The following TRIT1 variants were observed in gnomAD, a reference collection of about 807,000 sequenced individuals.
The protein encoded by TRIT1 is tRNA isopentenyltransferase 1, also known as tRNA dimethylallyltransferase.
Under a neutral mutation model 51.2 loss-of-function variants are expected in TRIT1, and 43 were observed. That is an observed-to-expected ratio of 0.84 (90% confidence interval 0.66 to 1.08). The LOEUF is 1.08. TRIT1 is among the 50% of genes least tolerant of loss of function. The pLI is 0.00. For synonymous variants in TRIT1, 184 were observed against 203.9 expected, an observed-to-expected ratio of 0.90 and a Z score of 0.83; for missense variants, 528 against 578.4, an observed-to-expected ratio of 0.91 and a Z score of 0.89.
intron 5 of TRIT1, 33 bp downstream of exon 5, chr1:39,850,086 C>T (rs1052780182): frequency 2.5e-6 from 4 of 1,609,692 alleles, no homozygotes; most frequent in Admixed American, 3.4e-5. Context: ...AGTTCCATCA[C>T]AGATGGACTC....
chr1:39,872,212 C>T (rs1287063603), intron 1 of TRIT1, among the ~76,000 whole-genome samples: 1 of 151,796 alleles, frequency 6.6e-6, no homozygotes, highest in African/African-American at 2.4e-5. Flanking sequence ...CAGCTGGCCA[C>T]TGTATGCAAA....
intron 8 of TRIT1, among the ~76,000 whole-genome samples, chr1:39,846,409 TTATGCTTAAA>T (rs1642227623): frequency 2.0e-5 from 3 of 152,362 alleles, no homozygotes; most frequent in African/African-American, 7.2e-5. Flanking sequence ...GAAGTTTCAC[TTATGCTTAAA>T]TTAATCTCCT....
chr1:39,866,090 AAGAAAGG>A (rs1643537258), intron 1 of TRIT1, among the ~76,000 whole-genome samples: 1 of 65,790 alleles, frequency 1.5e-5, no homozygotes, highest in South Asian at 5.8e-4. Flanking sequence ...GGAAGGAAAG[AAGAAAGG>A]AAGGAAGGAA....
intron 1 of TRIT1, among the ~76,000 whole-genome samples, chr1:39,880,080 C>T (rs941904360): frequency 1.3e-5 from 2 of 151,376 alleles, no homozygotes; most frequent in Admixed American, 6.6e-5. Flanking sequence ...GAGGCTGAGG[C>T]AGGACAATCA....
intron 10 of TRIT1, among the ~76,000 whole-genome samples, chr1:39,843,714 A>C (rs535698576): frequency 6.6e-6 from 1 of 152,220 alleles, no homozygotes; most frequent in Non-Finnish European, 1.5e-5. Context: ...TGCTTCTTCC[A>C]GTCTCCTGGA....
chr1:39,844,500 G>C, intron 9 of TRIT1, 31 bp downstream of exon 9: 1 of 1,566,708 alleles, frequency 6.4e-7, no homozygotes, highest in Non-Finnish European at 8.8e-7. Context: ...CTGAAAACCA[G>C]AAAATAGAAT....
chr1:39,863,523 G>T (rs975261636), intron 1 of TRIT1, among the ~76,000 whole-genome samples: 5 of 152,056 alleles, frequency 3.3e-5, no homozygotes, highest in Non-Finnish European at 5.9e-5. Flanking sequence ...AATTAAAGAA[G>T]ATACATGATA....
intron 1 of TRIT1, among the ~76,000 whole-genome samples, chr1:39,859,358 G>A (rs1285108386): frequency 1.3e-5 from 2 of 148,946 alleles, no homozygotes; most frequent in Non-Finnish European, 3.0e-5. Flanking sequence ...GGCTGAGGTG[G>A]GTGGATCACT....
chr1:39,853,843 A>G, intron 3 of TRIT1, 127 bp downstream of exon 3: 2 of 655,998 alleles, frequency 3.0e-6, no homozygotes, highest in South Asian at 4.0e-5. Flanking sequence ...GCTTGAGAAT[A>G]TTAAGTAGGA....
Position 39,852,741 on chromosome 1 carries a change from T to A in TRIT1, c.550A>T (p.Lys184Ter). ...GCCAGGCTTTCTTACCTGGCCACTT[T>A]GCGTTTGTCATGTGGATGCAGCTTG... ...AAKLHPHDKRKVARSLQVFEE... is the reference protein window; with the variant it reads ...AAKLHPHDKR Residue 184 changes from lysine to a stop codon, truncating the protein, a stop_gained, in exon 4 of 11, where the codon AAA becomes TAA. Coordinates refer to ENST00000316891, the MANE Select transcript of TRIT1 (RefSeq NM_017646.6). LOFTEE classifies it high-confidence loss of function. 6.2e-7 allele frequency: 1 copy of A among 1,613,868 alleles called. No individual in the cohort carries two copies. The highest frequency in any genetic ancestry group is 8.5e-7 in the Non-Finnish European group (1 of 1,179,876).
intron 1 of TRIT1, among the ~76,000 whole-genome samples, chr1:39,866,186 T>TC (rs1235748940): frequency 6.6e-6 from 1 of 152,070 alleles, no homozygotes; most frequent in Non-Finnish European, 1.5e-5. Context: ...CTCTTCTAGT[T>TC]CTTTTTTTTA....
chr1:39,846,376 A>C (rs1000667892), intron 8 of TRIT1, among the ~76,000 whole-genome samples: 4 of 150,730 alleles, frequency 2.7e-5, no homozygotes, highest in Admixed American at 2.0e-4. Flanking sequence ...AGCATATTTA[A>C]AACATGTCCA....
chr1:39,867,189 T>C (rs756967042), intron 1 of TRIT1, among the ~76,000 whole-genome samples: 23 of 152,124 alleles, frequency 1.5e-4, no homozygotes, highest in Non-Finnish European at 3.2e-4. Context: ...CTTGTTGCCC[T>C]TGCTGAAGTG....
chr1:39,844,741 G>C (rs940386308), intron 8 of TRIT1, 101 bp from the exon 9 acceptor site: 6 of 784,078 alleles, frequency 7.7e-6, no homozygotes, highest in Non-Finnish European at 1.3e-5. Flanking sequence ...AGAGCCAAAG[G>C]AGTAAACATT....
At chr1:39,853,946 G>A (rs1383307008) in intron 3 of TRIT1, 24 bp downstream of exon 3, 1 of 1,499,834 alleles carries the variant, frequency 6.7e-7, no homozygotes, top group South Asian at 1.2e-5. Context: ...TTTCCTCAGT[G>A]AGTTACGAGT....
rs921855399 is a variant in TRIT1, at chr1:39,850,397, A to G, written c.561-136T>C. 17 of 1,169,414 alleles carry G rather than the reference A, an allele frequency of 1.5e-5. 1 individual carries two copies. In the South Asian group the frequency reaches 2.4e-4, roughly 16 times the overall value. 72.4% of individuals were successfully genotyped at this position (1,169,414 alleles called of 1,614,324 possible). A position where few individuals can be genotyped will look rare whatever the true frequency, so the allele number is the denominator to read the frequency against. ...TTGAAAGCCAGTCACGACAGTGTGCACATCTGTAGTCCCAGCTACTCAGGA... is the reference window on the plus strand; with the variant it reads ...TTGAAAGCCAGTCACGACAGTGTGCGCATCTGTAGTCCCAGCTACTCAGGA... On this transcript the variant is annotated intron_variant, in intron 4 of 10. Coordinates refer to ENST00000316891, the MANE Select transcript of TRIT1 (RefSeq NM_017646.6).
chr1:39,840,010 AAT>A lies in TRIT1; in HGVS notation c.*1732_*1733del, dbSNP rs757316620. ...AGCTTGAGTCTACCAGCCTCACCTC[AAT>A]TCCAGCTCTACCGCTTGCTAGCTGT... On this transcript the variant is annotated 3_prime_UTR_variant, in exon 11 of 11. Transcript: ENST00000316891. 6.4e-4 allele frequency among the ~76,000 whole-genome samples: 97 copies of A among 152,158 alleles called. 2 individuals carry two copies. Among genetic ancestry groups the A allele is most frequent in the Non-Finnish European group, 1.3e-4 (9 of 68,028 alleles).
At chr1:39,846,988 T>C (rs1642259545) in intron 8 of TRIT1, 2 of 426,960 alleles carry the variant, frequency 4.7e-6, no homozygotes, top group Admixed American at 8.0e-5. Context: ...GCAGCCAGTA[T>C]CCATCTGTTC....
At chr1:39,860,802 G>A (rs190354019) in intron 1 of TRIT1, among the ~76,000 whole-genome samples, 18 of 152,246 alleles carry the variant, frequency 1.2e-4, no homozygotes, top group South Asian at 8.3e-4. Context: ...TAAAAAAGCC[G>A]CGTGCAGTGG....
Sources: gnomAD v4.1 joint callset for allele counts (sites outside exome capture counted in the v4.1 genomes callset) on GRCh38, gnomAD v4.1.1 for gene constraint, MANE v1.5 for transcripts, NCBI Gene and HGNC (gene_info 2026-07-23, HGNC 2026-07-21) for gene names.